Variants in CPS1 observed in about 807,000 individuals in gnomAD.
CPS1 encodes carbamoyl-phosphate synthase [ammonia], mitochondrial.
A neutral mutation model predicts 174.6 loss-of-function variants in CPS1; 109 were observed. The ratio of observed to expected loss-of-function variants is 0.62; its 90% confidence interval spans 0.53 to 0.73. CPS1 has a LOEUF of 0.73. Ranked by LOEUF, CPS1 falls within the 30% of genes least tolerant of loss-of-function variation. CPS1 has a pLI of 0.00. For synonymous variants in CPS1, 637 were observed against 632.0 expected (o/e 1.01, Z -0.12); for missense variants, 1,689 against 1,821.9 (o/e 0.93, Z 1.33).
chr2:210,605,875 G>A (rs1698890163), intron 17 of CPS1, among the ~76,000 whole-genome samples: 1 of 151,788 alleles, frequency 6.6e-6, no homozygotes, highest in South Asian at 2.1e-4. Flanking sequence ...GGAGAGAATA[G>A]GGTTGAACTT....
rs917312296 is a variant in CPS1 at position 210,599,343 on chromosome 2, C to T, written c.1360-29C>T. ...CATTCTCTTCTTTAGACCATATATT[C>T]ATGTACTGGATTCTTTTGTTTCTTT... is the stretch of plus-strand genomic sequence containing the variant. On this transcript the variant is annotated intron_variant, in intron 13 of 37. Coordinates refer to ENST00000233072, the MANE Select transcript of CPS1 (RefSeq NM_001875.5). 6.9e-6 allele frequency: 11 copies of T among 1,599,946 alleles called. No homozygotes were observed. In the Admixed American group the frequency reaches 8.4e-5, roughly 12 times the overall value.
intron 33 of CPS1, among the ~76,000 whole-genome samples, chr2:210,664,986 G>C (rs1465786955): frequency 6.6e-6 from 1 of 152,220 alleles, no homozygotes; most frequent in Non-Finnish European, 1.5e-5. Flanking sequence ...TAGTGGTAAA[G>C]TGGGGATATT....
upstream of CPS1, among the ~76,000 whole-genome samples, chr2:210,555,216 G>A (rs1696874288): frequency 6.6e-6 from 1 of 151,890 alleles, no homozygotes; most frequent in Admixed American, 6.6e-5. Flanking sequence ...TCATGCCACG[G>A]CATCCCTTCT....
intron 1 of CPS1, among the ~76,000 whole-genome samples, chr2:210,523,589 T>G (rs1695885794): frequency 6.6e-6 from 1 of 151,942 alleles, no homozygotes; most frequent in African/African-American, 2.4e-5. Context: ...AATGAGGACA[T>G]GAGGTCTTTG....
At chr2:210,521,689 A>T (rs1048980534) in intron 1 of CPS1, among the ~76,000 whole-genome samples, 1 of 151,980 alleles carries the variant, frequency 6.6e-6, no homozygotes, top group Non-Finnish European at 1.5e-5. Context: ...TTTTAAAAAT[A>T]TCTCTCATGA....
intron 1 of CPS1, among the ~76,000 whole-genome samples, chr2:210,528,667 G>A (rs566339821): frequency 6.6e-6 from 1 of 151,904 alleles, no homozygotes; most frequent in Admixed American, 6.6e-5. Context: ...CCATTCCAAT[G>A]GCATCTACTA....
chr2:210,676,531 T>G lies in CPS1; in HGVS notation c.4275-476T>G, dbSNP rs138447235. ...TCTTGAGAAACCAACACATAAATTATTATCACTTTAATAAAATAATGGCAT... is the reference window on the plus strand; with the variant it reads ...TCTTGAGAAACCAACACATAAATTAGTATCACTTTAATAAAATAATGGCAT... On this transcript the variant is annotated intron_variant, in intron 36 of 37. Transcript: ENST00000233072. Among the ~76,000 whole-genome samples the G allele has an allele frequency of 1.3e-4, 20 of 152,310 alleles. 1 individual carries two copies. The highest frequency in any genetic ancestry group is 4.6e-4 in the African/African-American group (19 of 41,564).
At chr2:210,527,078 A>C (rs1695992660) in intron 1 of CPS1, among the ~76,000 whole-genome samples, 2 of 151,986 alleles carry the variant, frequency 1.3e-5, no homozygotes, top group South Asian at 2.1e-4. Flanking sequence ...TTAAGCCTTG[A>C]TATTTTTAAG....
chr2:210,558,208 T>C (rs1227455178), intron 1 of CPS1, among the ~76,000 whole-genome samples: 1 of 152,084 alleles, frequency 6.6e-6, no homozygotes. Context: ...AAATGTCTTT[T>C]ATGTTGTTAC....
chr2:210,551,397 A>G (rs1696726792), intron 1 of CPS1, among the ~76,000 whole-genome samples: 2 of 152,018 alleles, frequency 1.3e-5, no homozygotes, highest in Non-Finnish European at 1.5e-5. Context: ...TTGGCCTAGA[A>G]TATATACTCC....
chr2:210,610,518 A>G (rs772564630), intron 19 of CPS1, among the ~76,000 whole-genome samples: 38 of 151,994 alleles, frequency 2.5e-4, no homozygotes, highest in Non-Finnish European at 4.4e-4. Context: ...TCTCTGGTAA[A>G]TATTAAAAGA....
At chr2:210,641,428 C>T (rs1463989043) in intron 24 of CPS1, among the ~76,000 whole-genome samples, 1 of 152,074 alleles carries the variant, frequency 6.6e-6, no homozygotes, top group Non-Finnish European at 1.5e-5. Context: ...AGCTAGCAAG[C>T]TTTTCTATAA....
chr2:210,484,083 A>G (rs777365512), intron 1 of CPS1, among the ~76,000 whole-genome samples: 10 of 152,194 alleles, frequency 6.6e-5, no homozygotes, highest in Non-Finnish European at 1.5e-4. Context: ...GTCTTAAGAT[A>G]CTAAGGAAAC....
chr2:210,619,459 G>T (rs973248748), intron 21 of CPS1: 1 of 151,774 alleles, frequency 6.6e-6, no homozygotes, highest in Non-Finnish European at 1.5e-5. Context: ...TGTAATAAAG[G>T]TTACTTTATG....
At chr2:210,515,653 T>G (rs1354855455) in intron 1 of CPS1, among the ~76,000 whole-genome samples, 1 of 151,748 alleles carries the variant, frequency 6.6e-6, no homozygotes. Flanking sequence ...AGAACCCACT[T>G]TTAGTTTTGT....
chr2:210,513,335 G>A (rs983179190), intron 1 of CPS1, among the ~76,000 whole-genome samples: 16 of 151,602 alleles, frequency 1.1e-4, no homozygotes, highest in Non-Finnish European at 2.1e-4. Flanking sequence ...AGCCTCACCA[G>A]CATCTGTGTT....
chr2:210,508,742 G>C (rs202169111), intron 1 of CPS1, among the ~76,000 whole-genome samples: 1 of 152,026 alleles, frequency 6.6e-6, no homozygotes, highest in Non-Finnish European at 1.5e-5. Flanking sequence ...TCAGAGAATA[G>C]TATAAACACC....
chr2:210,569,236 G>A (rs1697401458), intron 1 of CPS1, among the ~76,000 whole-genome samples: 1 of 152,002 alleles, frequency 6.6e-6, no homozygotes, highest in Non-Finnish European at 1.5e-5. Flanking sequence ...AAAAGGTAAT[G>A]AGTATTATGA....
At chr2:210,484,648 C>T (rs1378942249) in intron 1 of CPS1, among the ~76,000 whole-genome samples, 1 of 152,172 alleles carries the variant, frequency 6.6e-6, no homozygotes, top group East Asian at 1.9e-4. Flanking sequence ...GATGCCAGAA[C>T]CACCTATCAT....
Sources: gnomAD v4.1 joint callset for allele counts (sites outside exome capture counted in the v4.1 genomes callset) on GRCh38, gnomAD v4.1.1 for gene constraint, MANE v1.5 for transcripts, NCBI Gene and HGNC (gene_info 2026-07-23, HGNC 2026-07-21) for gene names.